MCF2L: variants seen among roughly 807,000 people sequenced by gnomAD.
MCF2L encodes the protein MCF.2 cell line derived transforming sequence like.
In MCF2L, 97 loss-of-function variants were observed where a neutral mutation model predicts 153.4. That is an observed-to-expected ratio of 0.63 (90% CI 0.54 to 0.75). MCF2L has a LOEUF of 0.75. Among genes scored for constraint, MCF2L ranks in the 30% least tolerant of loss-of-function variants. The pLI is 0.00. For synonymous variants in MCF2L, 659 were observed against 632.2 expected, an observed-to-expected ratio of 1.04 and a Z score of -0.64; for missense variants, 1,347 against 1,495.2, an observed-to-expected ratio of 0.90 and a Z score of 1.64.
Position 113,088,395 on chromosome 13 carries a change from G to A in MCF2L, c.2757G>A (p.Gln919=), listed in dbSNP as rs1427917634. 3 of 1,614,004 alleles carry A rather than the reference G, an allele frequency of 1.9e-6. No homozygotes were observed. The highest frequency in any genetic ancestry group is 1.3e-5 in the African/African-American group (1 of 75,070). The change falls in exon 24 of 30, where the codon CAG becomes CAA. Residue 919 remains glutamine (Q), a synonymous_variant. Transcript: ENST00000535094. ...EIRKVLTSQL[Q]ACREASQHRA... ...GGAAAGTGCTGACCAGCCAGCTGCA[G>A]GCTTGTAGAGGTGAGGCTGTCTTCA...
intron 2 of MCF2L, among the ~76,000 whole-genome samples, chr13:112,947,575 G>A (rs1394600980): frequency 6.6e-6 from 1 of 152,216 alleles, no homozygotes; most frequent in Non-Finnish European, 1.5e-5. Context: ...CGGGCCCCAA[G>A]TAAGTCCAAA....
Position 112,918,901 on chromosome 13 carries a change from G to A in MCF2L, c.169+16530G>A, listed in dbSNP as rs998706903. Among the ~76,000 whole-genome samples, 8 of 152,220 alleles carry A rather than the reference G, an allele frequency of 5.3e-5. No individual in the cohort carries two copies. The East Asian group carries it at 9.7e-4, about 18-fold the overall frequency. On this transcript the variant is annotated intron_variant, in intron 2 of 29. Coordinates refer to the MCF2L transcript ENST00000375608. ...CATCTGGATTACACGGATTCTTGAAGTGCCCCATCCTCCGTGTCCCCACCT... is the reference window on the plus strand; with the variant it reads ...CATCTGGATTACACGGATTCTTGAAATGCCCCATCCTCCGTGTCCCCACCT...
At chr13:112,912,775 C>T (rs1172988160) in intron 2 of MCF2L, among the ~76,000 whole-genome samples, 3 of 150,326 alleles carry the variant, frequency 2.0e-5, no homozygotes, top group Admixed American at 2.0e-4. Context: ...TGTCACATGT[C>T]TGTGTGTGTG....
intron 2 of MCF2L, among the ~76,000 whole-genome samples, chr13:112,931,897 C>T (rs571820690): frequency 9.9e-5 from 15 of 152,268 alleles, no homozygotes; most frequent in Non-Finnish European, 1.3e-4. Flanking sequence ...AGTCAAGTCG[C>T]GTTGTATTAT....
intron 1 of MCF2L, among the ~76,000 whole-genome samples, chr13:112,981,235 C>T (rs2082413637): frequency 6.6e-6 from 1 of 152,200 alleles, no homozygotes; most frequent in Non-Finnish European, 1.5e-5. Flanking sequence ...CCTCACTGTA[C>T]ATAAGGACCC....
At chr13:113,094,710 A>C (rs1489235570) in intron 27 of MCF2L, 75 bp downstream of exon 27, 1 of 1,532,316 alleles carries the variant, frequency 6.5e-7, no homozygotes, top group Admixed American at 1.9e-5. Context: ...TGGCAGGTCC[A>C]CCCAGGCTTG....
At chr13:113,087,178 C>A in intron 21 of MCF2L, 57 bp from the exon 22 acceptor site, 2 of 1,452,714 alleles carry the variant, frequency 1.4e-6, no homozygotes, top group Non-Finnish European at 1.9e-6. Context: ...CAGCGATGCG[C>A]GTCCATGGCC....
intron 2 of MCF2L, among the ~76,000 whole-genome samples, chr13:112,906,090 G>T (rs1325474406): frequency 6.6e-6 from 1 of 152,184 alleles, no homozygotes; most frequent in Non-Finnish European, 1.5e-5. Context: ...AAACATTGAT[G>T]AGCTTATTTT....
At chr13:112,906,294 C>A (rs2081172286) in intron 2 of MCF2L, among the ~76,000 whole-genome samples, 1 of 152,228 alleles carries the variant, frequency 6.6e-6, no homozygotes, top group Non-Finnish European at 1.5e-5. Flanking sequence ...GGGCTCCTGC[C>A]TGAGCCTGCA....
At chr13:113,084,735 C>T (rs1023281344) in intron 18 of MCF2L, 157 bp from the exon 19 acceptor site, 5 of 648,152 alleles carry the variant, frequency 7.7e-6, no homozygotes, top group Admixed American at 5.2e-5. Context: ...TGCCGGCCCT[C>T]GGAAGCTATG....
At chr13:113,049,045 C>A (rs1394362158) in intron 4 of MCF2L, among the ~76,000 whole-genome samples, 2 of 152,194 alleles carry the variant, frequency 1.3e-5, no homozygotes, top group East Asian at 3.9e-4. Context: ...TACCCAGGAG[C>A]CCGCCGCCTC....
At position 113,097,187 on chromosome 13, in the gene MCF2L, T is replaced by C. The variant is rs2035737687; in HGVS notation, c.*328T>C. The stretch of plus-strand genomic sequence containing the variant: ...GTGCTTTCAGGGGACGCGCGGACCG[T>C]GGTGGAGCTGCTTCCGGAGAAGTGG... On this transcript the variant is annotated 3_prime_UTR_variant, in exon 30 of 30. Coordinates refer to ENST00000535094, the MANE Select transcript of MCF2L (RefSeq NM_001112732.3). 4.0e-6 allele frequency: 1 copy of C among 248,964 alleles called. No homozygotes were observed. The highest frequency in any genetic ancestry group is 7.7e-6 in the Non-Finnish European group (1 of 130,536). The allele number at this position is 248,964 out of a possible 1,614,324, so 15.4% of individuals were successfully genotyped here.
intron 4 of MCF2L, among the ~76,000 whole-genome samples, chr13:113,060,031 C>A (rs542852650): frequency 3.9e-5 from 6 of 152,320 alleles, no homozygotes; most frequent in African/African-American, 1.4e-4. Context: ...CAGGTGTGGC[C>A]GGAGGGGGCT....
intron 1 of MCF2L, among the ~76,000 whole-genome samples, chr13:112,901,740 G>A (rs1017322568): frequency 6.6e-6 from 1 of 152,204 alleles, no homozygotes; most frequent in Non-Finnish European, 1.5e-5. Flanking sequence ...TCTGGAACTC[G>A]GAGGACATTC....
intron 1 of MCF2L, among the ~76,000 whole-genome samples, chr13:113,006,854 A>G (rs2083734806): frequency 1.3e-5 from 2 of 152,164 alleles, no homozygotes; most frequent in Non-Finnish European, 2.9e-5. Flanking sequence ...TCAGCCCCCA[A>G]GGGCAGGCCC....
In MCF2L at chr13:112,993,663, C is replaced by A. The variant is rs565817427; in HGVS notation, c.80-21100C>A. Reference sequence around the variant, plus strand: ...CGAGAAGTCATCGTCAATGGCCCCACGATGTCAGGCTTGGAATTTGGGGTG... The same window carrying A: ...CGAGAAGTCATCGTCAATGGCCCCAAGATGTCAGGCTTGGAATTTGGGGTG... On this transcript the variant is annotated intron_variant, in intron 1 of 29. Transcript: ENST00000535094. This position sits in a 1 kb window ranked among gnomAD's most constrained non-coding sequence, Gnocchi z 4.6. 1.3e-5 allele frequency among the ~76,000 whole-genome samples: 2 copies of A among 152,028 alleles called. No individual in the cohort carries two copies. Among genetic ancestry groups the A allele is most frequent in the East Asian group, 3.9e-4 (2 of 5,156 alleles).
intron 2 of MCF2L, among the ~76,000 whole-genome samples, chr13:112,948,167 A>C (rs1313291327): frequency 6.6e-6 from 1 of 152,110 alleles, no homozygotes; most frequent in East Asian, 1.9e-4. Flanking sequence ...AACCCTGAAG[A>C]TCTCCGAAAT....
chr13:112,987,007 TC>T lies in MCF2L; in HGVS notation c.79+17550del, dbSNP rs2082672834. Among the ~76,000 whole-genome samples the T allele has an allele frequency of 3.3e-5, 5 of 151,844 alleles. No individual in the cohort carries two copies. In the South Asian group the frequency reaches 1.0e-3, roughly 31 times the overall value. On this transcript the variant is annotated intron_variant, in intron 1 of 29. Coordinates refer to ENST00000535094, the MANE Select transcript of MCF2L (RefSeq NM_001112732.3). ...TTTCAGGTGGGACTCGGAGCCAGTG[TC>T]GGAGCTGGAGCACATGAGGTCGCGG...
chr13:113,098,349 C>T lies in MCF2L; in HGVS notation c.*1490C>T, dbSNP rs1031085467. ...GAACGCGTGCTGTGTCCCGCGATGT[C>T]CCTGATGTACTGTGCAGGCGCGGTG... On this transcript the variant is annotated 3_prime_UTR_variant, in exon 30 of 30. Coordinates refer to ENST00000535094, the MANE Select transcript of MCF2L (RefSeq NM_001112732.3). The T allele has an allele frequency of 3.3e-5, 5 of 152,604 alleles. No individual in the cohort carries two copies. Among genetic ancestry groups the T allele is most frequent in the African/African-American group, 4.8e-5 (2 of 41,468 alleles). 9.5% of individuals were successfully genotyped at this position (152,604 alleles called of 1,614,324 possible).
Sources: allele counts gnomAD v4.1 joint callset (sites outside exome capture counted in the v4.1 genomes callset), GRCh38; gene constraint gnomAD v4.1.1; non-coding constraint Gnocchi (gnomAD v3.1); transcripts MANE v1.5; gene names NCBI Gene and HGNC (gene_info 2026-07-23, HGNC 2026-07-21).